The following SFXN5 variants were observed in gnomAD, a reference collection of about 807,000 sequenced individuals.
SFXN5 encodes the protein sideroflexin 5.
A neutral mutation model predicts 50.2 loss-of-function variants in SFXN5; 43 were observed. The ratio of observed to expected loss-of-function variants is 0.86; its 90% CI spans 0.67 to 1.11. The LOEUF (loss-of-function observed/expected upper bound fraction) is 1.11. Ranked by LOEUF, SFXN5 falls within the 50% of genes least tolerant of loss-of-function variation. The pLI is 0.00. For synonymous variants in SFXN5, 203 were observed against 185.8 expected (o/e 1.09, Z -0.75); for missense variants, 463 against 454.1 (o/e 1.02, Z -0.18).
intron 5 of SFXN5, among the ~76,000 whole-genome samples, 173 bp from the exon 6 acceptor site, chr2:73,020,437 C>T (rs965429820): frequency 6.6e-6 from 1 of 152,162 alleles, no homozygotes; most frequent in Non-Finnish European, 1.5e-5. Context: ...TCAGCCCTCA[C>T]CGGGGCTGTG....
Position 72,992,904 on chromosome 2 carries a change from A to C in SFXN5, c.535-4556T>G, listed in dbSNP as rs1411524138. ...TGCTTGCAAGGCTCTGGCTACCTGT[A>C]TGAGGAGGTGCCGTGAGGGAGTGGG... On this transcript the variant is annotated intron_variant, in intron 9 of 13. Coordinates refer to ENST00000272433, the MANE Select transcript of SFXN5 (RefSeq NM_144579.3). The surrounding 1 kb of genome is among the most constrained non-coding windows in gnomAD (Gnocchi z 4.5). Among the ~76,000 whole-genome samples the C allele has an allele frequency of 6.6e-6, 1 of 152,168 alleles. No individual in the cohort carries two copies. The highest frequency in any genetic ancestry group is 2.4e-5 in the African/African-American group (1 of 41,432).
intron 2 of SFXN5, among the ~76,000 whole-genome samples, chr2:73,052,457 C>T (rs759516861): frequency 2.0e-5 from 3 of 151,880 alleles, no homozygotes; most frequent in Non-Finnish European, 2.9e-5. Context: ...TTTTCCCCTA[C>T]TCTGTATTTG....
intron 2 of SFXN5, chr2:73,041,698 G>T (rs531204518): frequency 2.2e-5 from 8 of 361,394 alleles, no homozygotes; most frequent in South Asian, 1.4e-4. Context: ...TTATAAGGAG[G>T]ATTTTTCCTT....
At chr2:72,979,792 A>G (rs974203062) in intron 10 of SFXN5, among the ~76,000 whole-genome samples, 3 of 152,230 alleles carry the variant, frequency 2.0e-5, no homozygotes, top group Non-Finnish European at 4.4e-5. Flanking sequence ...ATATCTATAT[A>G]TGAACCCATT....
chr2:73,071,492 G>A (rs919484445), intron 1 of SFXN5, 112 bp downstream of exon 1: 5 of 964,518 alleles, frequency 5.2e-6, no homozygotes, highest in South Asian at 3.2e-5. Flanking sequence ...GCTAGCTGCA[G>A]GCTCCGCTGG....
chr2:73,040,845 CAG>C lies in SFXN5; in HGVS notation c.249+7_249+8del, dbSNP rs1559189808. On this transcript the variant is annotated splice_region_variant and intron_variant, in intron 3 of 13. Transcript: ENST00000272433. ...CCACTGGCCATGCTCCCACCTCCCA[CAG>C]AGTTACCTGTTCATTGGTGACCCCC... The C allele has an allele frequency of 6.2e-7, 1 of 1,605,632 alleles. No individual in the cohort carries two copies. The highest frequency in any genetic ancestry group is 8.5e-7 in the Non-Finnish European group (1 of 1,175,958).
At chr2:73,070,203 A>G (rs1299360833) in intron 1 of SFXN5, among the ~76,000 whole-genome samples, 1 of 152,130 alleles carries the variant, frequency 6.6e-6, no homozygotes, top group Non-Finnish European at 1.5e-5. Flanking sequence ...CCAGGCAGGG[A>G]CACCCCGACA....
intron 3 of SFXN5, among the ~76,000 whole-genome samples, chr2:73,034,084 C>T (rs1467313794): frequency 6.6e-6 from 1 of 152,208 alleles, no homozygotes; most frequent in Non-Finnish European, 1.5e-5. Context: ...CAGAGGAGCC[C>T]AGGTAGTATA....
chr2:72,978,434 C>T (rs777772388), intron 10 of SFXN5, among the ~76,000 whole-genome samples: 3 of 151,972 alleles, frequency 2.0e-5, no homozygotes, highest in Non-Finnish European at 4.4e-5. Context: ...AGGCGCCCAC[C>T]ACCATGCCCA....
chr2:73,020,769 T>G (rs1676776898), intron 5 of SFXN5: 2 of 153,084 alleles, frequency 1.3e-5, no homozygotes, highest in Admixed American at 1.3e-4. Context: ...CACCTCTAAG[T>G]GCCAGAGCTT....
intron 13 of SFXN5, among the ~76,000 whole-genome samples, chr2:72,952,750 C>T (rs538989681): frequency 5.3e-5 from 8 of 152,272 alleles, no homozygotes; most frequent in South Asian, 2.1e-4. Flanking sequence ...CCTGGTGCCA[C>T]GAGGATTATA....
At position 72,993,827 on chromosome 2, in the gene SFXN5, T is replaced by C. The variant is rs573490594; in HGVS notation, c.534+5122A>G. On this transcript the variant is annotated intron_variant, in intron 9 of 13. Coordinates refer to ENST00000272433, the MANE Select transcript of SFXN5 (RefSeq NM_144579.3). ...CCACCACAGAGCCAGCCAGGCCCTG[T>C]CTTATAGGCGGCAGGGCATGCTCTG... is the stretch of plus-strand genomic sequence containing the variant. 7.9e-5 allele frequency among the ~76,000 whole-genome samples: 12 copies of C among 152,280 alleles called. No homozygotes were observed. In the South Asian group the frequency reaches 1.9e-3, roughly 24 times the overall value.
intron 10 of SFXN5, among the ~76,000 whole-genome samples, chr2:72,972,256 CAGAGA>C (rs914396948): frequency 2.6e-5 from 4 of 152,222 alleles, no homozygotes; most frequent in Admixed American, 6.5e-5. Context: ...GACTGAGGCT[CAGAGA>C]AGAGGAGTGA....
intron 10 of SFXN5, among the ~76,000 whole-genome samples, chr2:72,979,222 C>T (rs540467558): frequency 2.6e-4 from 39 of 152,266 alleles, no homozygotes; most frequent in African/African-American, 8.2e-4. Flanking sequence ...AACTCCAGGT[C>T]GGTGCCTTCT....
chr2:72,946,131 G>T (rs1222273319), intron 13 of SFXN5, among the ~76,000 whole-genome samples: 2 of 137,748 alleles, frequency 1.5e-5, no homozygotes, highest in African/African-American at 2.8e-5. Context: ...CACCTCCCCT[G>T]CCCACTCCGG....
At chr2:72,983,815 T>C (rs1464507077) in intron 10 of SFXN5, among the ~76,000 whole-genome samples, 8 of 152,144 alleles carry the variant, frequency 5.3e-5, no homozygotes, top group Admixed American at 2.6e-4. Flanking sequence ...CTGCTCCTGG[T>C]ACCCCTCCTC....
intron 1 of SFXN5, among the ~76,000 whole-genome samples, chr2:73,065,961 G>A (rs1335987155): frequency 3.9e-5 from 6 of 152,172 alleles, no homozygotes; most frequent in Non-Finnish European, 5.9e-5. Context: ...TGTCTGGGCC[G>A]GAAGGAAAAA....
In SFXN5 at chr2:72,953,481, C is replaced by T. The variant is rs1319328907; in HGVS notation, c.945+7650G>A. ...CATTGTCTCTGGCCTCGCATCAACC[C>T]TGGAAGAGTGGGAGAAGCAGGGACC... On this transcript the variant is annotated intron_variant, in intron 13 of 13. Transcript: ENST00000272433. This position sits in a 1 kb window ranked among gnomAD's most constrained non-coding sequence, Gnocchi z 4.1. 6.6e-6 allele frequency among the ~76,000 whole-genome samples: 1 copy of T among 152,160 alleles called. No individual in the cohort carries two copies. The highest frequency in any genetic ancestry group is 1.5e-5 in the Non-Finnish European group (1 of 68,028).
chr2:73,050,820 G>A (rs1337092362), intron 2 of SFXN5, among the ~76,000 whole-genome samples: 1 of 152,112 alleles, frequency 6.6e-6, no homozygotes, highest in Non-Finnish European at 1.5e-5. Context: ...TCTTTACATG[G>A]CCAGGCTAAG....
Sources: gnomAD v4.1 joint callset for allele counts (sites outside exome capture counted in the v4.1 genomes callset) on GRCh38, gnomAD v4.1.1 for gene constraint, Gnocchi (gnomAD v3.1) non-coding constraint, MANE v1.5 for transcripts, NCBI Gene and HGNC (gene_info 2026-07-23, HGNC 2026-07-21) for gene names.